The following PDIA5 variants were observed in gnomAD, a reference collection of about 807,000 sequenced individuals.
PDIA5 encodes the protein protein disulfide isomerase family A member 5, also known as protein disulfide-isomerase A5.
PDIA5 carries 58 observed loss-of-function variants against 77.6 expected under a neutral mutation model. That is an observed-to-expected ratio of 0.75 (90% CI 0.61 to 0.93). The LOEUF (loss-of-function observed/expected upper bound fraction) is 0.93. Among genes scored for constraint, PDIA5 ranks in the 40% least tolerant of loss-of-function variants. The probability of loss-of-function intolerance (pLI) is 0.00; values close to 1 mark genes in which losing one functional copy is unlikely to be tolerated. For missense variants in PDIA5, 630 were observed against 647.7 expected, an observed-to-expected ratio of 0.97 and a Z score of 0.30; for synonymous variants, 250 against 252.1, an observed-to-expected ratio of 0.99 and a Z score of 0.08.
chr3:123,104,561 A>G (rs1017048961), intron 5 of PDIA5, among the ~76,000 whole-genome samples: 1 of 152,228 alleles, frequency 6.6e-6, no homozygotes, highest in Non-Finnish European at 1.5e-5. Flanking sequence ...ACGCTGTGCC[A>G]CGGCACCTAG....
At chr3:123,078,121 C>G (rs1034475923) in intron 1 of PDIA5, among the ~76,000 whole-genome samples, 8 of 152,156 alleles carry the variant, frequency 5.3e-5, no homozygotes, top group African/African-American at 7.2e-5. Context: ...AATTAATGTT[C>G]TTTCTTAGAT....
At chr3:123,113,341 C>T (rs1251881741) in intron 7 of PDIA5, among the ~76,000 whole-genome samples, 1 of 152,216 alleles carries the variant, frequency 6.6e-6, no homozygotes, top group Non-Finnish European at 1.5e-5. Context: ...GCTGTGCCCT[C>T]TCCCGCCATG....
At chr3:123,067,518 C>A (rs1472621726) in intron 1 of PDIA5, 2 of 346,884 alleles carry the variant, frequency 5.8e-6, no homozygotes, top group African/African-American at 4.2e-5. Flanking sequence ...GCCGGTCGGG[C>A]AGGACGCCGG....
chr3:123,154,506 T>C (rs1486443719), intron 14 of PDIA5, among the ~76,000 whole-genome samples: 3 of 151,756 alleles, frequency 2.0e-5, no homozygotes, highest in Non-Finnish European at 2.9e-5. Flanking sequence ...GGGTGCAGAG[T>C]AGTTGCCCCA....
chr3:123,099,546 CAG>C (rs1213743540), intron 3 of PDIA5, among the ~76,000 whole-genome samples: 1 of 152,176 alleles, frequency 6.6e-6, no homozygotes, highest in Non-Finnish European at 1.5e-5. Context: ...GAAGGTGGCA[CAG>C]AGTCTGCAGT....
intron 14 of PDIA5, among the ~76,000 whole-genome samples, chr3:123,154,232 G>A (rs1475991425): frequency 1.3e-5 from 2 of 152,166 alleles, no homozygotes; most frequent in African/African-American, 4.8e-5. Context: ...CCCCAGTATA[G>A]CTCAAAGGCC....
intron 10 of PDIA5, among the ~76,000 whole-genome samples, chr3:123,128,839 T>A (rs369099046): frequency 2.6e-5 from 4 of 152,328 alleles, no homozygotes; most frequent in African/African-American, 9.6e-5. Context: ...ACCAGTTTCT[T>A]TTATGTTCTT....
chr3:123,093,052 A>G (rs998818656), intron 3 of PDIA5, among the ~76,000 whole-genome samples: 2 of 152,122 alleles, frequency 1.3e-5, no homozygotes, highest in African/African-American at 4.8e-5. Flanking sequence ...TATGGCACCC[A>G]CTCCAGTGTA....
intron 1 of PDIA5, among the ~76,000 whole-genome samples, chr3:123,087,977 G>C (rs1205611808): frequency 6.6e-6 from 1 of 152,196 alleles, no homozygotes; most frequent in East Asian, 1.9e-4. Flanking sequence ...GCATTCCAGA[G>C]AAGGGAAGGG....
intron 11 of PDIA5, among the ~76,000 whole-genome samples, chr3:123,143,718 G>A (rs1382496685): frequency 1.3e-5 from 2 of 152,188 alleles, no homozygotes; most frequent in African/African-American, 4.8e-5. Flanking sequence ...TGTATACCCA[G>A]CAGTTCCTCC....
chr3:123,136,051 C>T (rs543610508), intron 11 of PDIA5, among the ~76,000 whole-genome samples: 1 of 151,864 alleles, frequency 6.6e-6, no homozygotes, highest in African/African-American at 2.4e-5. Flanking sequence ...CCACTTCAGC[C>T]TCCTGAGTAG....
chr3:123,151,501 C>T (rs1187740727), intron 14 of PDIA5, among the ~76,000 whole-genome samples: 2 of 152,236 alleles, frequency 1.3e-5, no homozygotes, highest in Non-Finnish European at 2.9e-5. Context: ...AACCTGGCTG[C>T]AGGAGTGGAA....
At position 123,078,774 on chromosome 3, in the gene PDIA5, T is replaced by A. The variant is rs374382834; in HGVS notation, c.43-10394T>A. 3.5e-4 allele frequency among the ~76,000 whole-genome samples: 54 copies of A among 152,354 alleles called. No homozygotes were observed. The East Asian group carries it at 4.8e-3, about 14-fold the overall frequency. On this transcript the variant is annotated intron_variant, in intron 1 of 16. Coordinates refer to ENST00000316218, the MANE Select transcript of PDIA5 (RefSeq NM_006810.4). ...ATCTGGAATAGTTCCTCAGTCTCTGTCTTTTGTGACCTTGACATTTTTAAA... is the reference window on the plus strand; with the variant it reads ...ATCTGGAATAGTTCCTCAGTCTCTGACTTTTGTGACCTTGACATTTTTAAA...
In PDIA5 at chr3:123,161,869, C is replaced by T. The variant is rs532110591; in HGVS notation, c.1480-11C>T. The T allele has an allele frequency of 6.5e-7, 1 of 1,534,446 alleles. No individual in the cohort carries two copies. The highest frequency in any genetic ancestry group is 1.1e-5 in the South Asian group (1 of 89,214). The stretch of plus-strand genomic sequence containing the variant: ...GCTCTTTCTCTCTCTCTCTCTCCCA[C>T]TTCCCTGCAGGAATTGGGATTTACC... On this transcript the variant is annotated splice_polypyrimidine_tract_variant and intron_variant, in intron 16 of 16. Coordinates refer to ENST00000316218, the MANE Select transcript of PDIA5 (RefSeq NM_006810.4).
At chr3:123,106,139 A>G (rs1934725212) in intron 5 of PDIA5, among the ~76,000 whole-genome samples, 1 of 152,244 alleles carries the variant, frequency 6.6e-6, no homozygotes, top group Non-Finnish European at 1.5e-5. Context: ...GTGAGGCCAC[A>G]TTGGTGCCCA....
At chr3:123,075,527 G>A (rs1639543708) in intron 1 of PDIA5, among the ~76,000 whole-genome samples, 1 of 152,190 alleles carries the variant, frequency 6.6e-6, no homozygotes, top group South Asian at 2.1e-4. Flanking sequence ...TTTATCTATA[G>A]GAGGTCATTG....
chr3:123,095,252 T>C (rs940989792), intron 3 of PDIA5, among the ~76,000 whole-genome samples: 2 of 152,208 alleles, frequency 1.3e-5, no homozygotes, highest in South Asian at 2.1e-4. Flanking sequence ...AATTTAAATG[T>C]GAGACACCAT....
chr3:123,151,783 GC>G (rs1231001241), intron 14 of PDIA5, among the ~76,000 whole-genome samples: 1 of 25,044 alleles, frequency 4.0e-5, no homozygotes, highest in African/African-American at 1.4e-4. Context: ...TGCCTGCCTG[GC>G]CTGCCTTCCT....
Position 123,106,746 on chromosome 3 carries a change from C to T in PDIA5, c.388-3C>T. 1 of 1,600,372 alleles carries T rather than the reference C, an allele frequency of 6.2e-7. No individual in the cohort carries two copies. On this transcript the variant is annotated splice_polypyrimidine_tract_variant and splice_region_variant and intron_variant, in intron 5 of 16. Coordinates refer to ENST00000316218, the MANE Select transcript of PDIA5 (RefSeq NM_006810.4). ...ATTTTCTCTTCTCTTTTTTTTCCCT[C>T]AGTCCATAGTGGCCTTTTTGAAGGA...
Sources: gnomAD v4.1 joint callset for allele counts (sites outside exome capture counted in the v4.1 genomes callset) on GRCh38, gnomAD v4.1.1 for gene constraint, MANE v1.5 for transcripts, NCBI Gene and HGNC (gene_info 2026-07-23, HGNC 2026-07-21) for gene names.